SUGCT: variants seen among roughly 807,000 people sequenced by gnomAD.
SUGCT encodes the protein succinyl-CoA:glutarate-CoA transferase.
SUGCT carries 41 observed loss-of-function variants against 55.0 expected under a neutral mutation model. That is an observed-to-expected ratio of 0.74 (90% CI 0.58 to 0.97). The LOEUF (loss-of-function observed/expected upper bound fraction) is 0.97. Ranked by LOEUF, SUGCT falls within the 50% of genes least tolerant of loss-of-function variation. The pLI is 0.00. For synonymous variants in SUGCT, 187 were observed against 200.4 expected, an observed-to-expected ratio of 0.93 and a Z score of 0.56; for missense variants, 568 against 547.8, an observed-to-expected ratio of 1.04 and a Z score of -0.37.
intron 13 of SUGCT, among the ~76,000 whole-genome samples, chr7:40,843,319 G>T (rs966443228): frequency 1.3e-5 from 2 of 151,976 alleles, no homozygotes; most frequent in African/African-American, 2.4e-5. Context: ...AGACCATCCC[G>T]GCCAACATGG....
At chr7:40,424,634 G>A (rs997475180) in intron 9 of SUGCT, among the ~76,000 whole-genome samples, 6 of 152,018 alleles carry the variant, frequency 3.9e-5, no homozygotes, top group South Asian at 2.1e-4. Context: ...GGCTCAAATC[G>A]GTTATCAGGT....
At chr7:40,534,760 G>A (rs975259384) in intron 12 of SUGCT, among the ~76,000 whole-genome samples, 1 of 152,038 alleles carries the variant, frequency 6.6e-6, no homozygotes. Flanking sequence ...AGTAATTTCC[G>A]AATAACCTTT....
In SUGCT at chr7:40,459,137, T is replaced by C. The variant is rs1462971086; in HGVS notation, c.925T>C (p.Tyr309His). 6 of 1,611,980 alleles carry C rather than the reference T, an allele frequency of 3.7e-6. No homozygotes were observed. Among genetic ancestry groups the C allele is most frequent in the Non-Finnish European group, 5.1e-6 (6 of 1,178,750 alleles). The change falls in exon 11 of 14, where the codon TAT (tyrosine) becomes CAT (histidine). Residue 309 changes from tyrosine to histidine, a missense_variant. Physicochemically the swap from Tyr to His is moderately conservative, Grantham distance 83 (BLOSUM62 2). Coordinates refer to ENST00000335693, the MANE Select transcript of SUGCT (RefSeq NM_001193313.2). ...DLPELIDNSK[Y>H]KTNHLRVHNR... ...GCCTGAGTTGATTGATAATTCCAAG[T>C]ATAAAACTAACCACCTTCGGGTACA... is the stretch of plus-strand genomic sequence containing the variant.
chr7:40,627,910 T>C (rs1799598421), intron 12 of SUGCT, among the ~76,000 whole-genome samples: 1 of 152,178 alleles, frequency 6.6e-6, no homozygotes, highest in Non-Finnish European at 1.5e-5. Flanking sequence ...GAGTACAGCA[T>C]TGACATCCTC....
intron 12 of SUGCT, among the ~76,000 whole-genome samples, chr7:40,551,421 A>G (rs560187118): frequency 3.3e-5 from 5 of 152,372 alleles, no homozygotes; most frequent in Non-Finnish European, 7.3e-5. Context: ...ATACTCACAT[A>G]TAACTTTAAA....
intron 8 of SUGCT, among the ~76,000 whole-genome samples, chr7:40,311,039 T>C (rs1234805231): frequency 6.6e-6 from 1 of 152,196 alleles, no homozygotes; most frequent in African/African-American, 2.4e-5. Flanking sequence ...TGGGCTCTTA[T>C]TTTCTTTTCG....
At chr7:40,861,335 C>T (rs1400838695), downstream of SUGCT, among the ~76,000 whole-genome samples, 1 of 152,164 alleles carries the variant, frequency 6.6e-6, no homozygotes, top group Non-Finnish European at 1.5e-5. Context: ...GAAGACATTG[C>T]TTTGTAATCT....
At chr7:40,392,985 G>T (rs1325616311) in intron 9 of SUGCT, among the ~76,000 whole-genome samples, 1 of 152,208 alleles carries the variant, frequency 6.6e-6, no homozygotes, top group African/African-American at 2.4e-5. Flanking sequence ...AGAAGATATA[G>T]TGAGTTTGGT....
intron 13 of SUGCT, among the ~76,000 whole-genome samples, chr7:40,854,419 CCTT>C (rs1421985968): frequency 2.0e-4 from 18 of 88,842 alleles, no homozygotes; most frequent in African/African-American, 7.5e-4. Context: ...TTCTTTCTTT[CCTT>C]TCTTTCTTTC....
chr7:40,508,674 A>T (rs80237224), intron 12 of SUGCT, among the ~76,000 whole-genome samples: 3,792 of 152,220 alleles, frequency 0.025, 155 homozygotes, highest in African/African-American at 0.088. Context: ...TTCATTTGCC[A>T]TATGACCTAC....
the SUGCT span, among the ~76,000 whole-genome samples, chr7:40,947,964 G>A: frequency 6.6e-6 from 1 of 152,144 alleles, no homozygotes. Flanking sequence ...ATCTTATCCA[G>A]CATGCAGCAG....
At chr7:40,998,731 C>T in the SUGCT span, among the ~76,000 whole-genome samples, 4 of 152,176 alleles carry the variant, frequency 2.6e-5, no homozygotes. Flanking sequence ...GGAAAGGTTG[C>T]TCTACAATGA....
At chr7:40,626,167 T>G (rs1449911153) in intron 12 of SUGCT, among the ~76,000 whole-genome samples, 1 of 152,150 alleles carries the variant, frequency 6.6e-6, no homozygotes, top group Non-Finnish European at 1.5e-5. Context: ...CATTCTACCT[T>G]CCAGCACTCC....
intron 12 of SUGCT, among the ~76,000 whole-genome samples, chr7:40,563,381 C>A (rs1459349876): frequency 6.6e-6 from 1 of 152,036 alleles, no homozygotes; most frequent in African/African-American, 2.4e-5. Flanking sequence ...ATTTGGTTTA[C>A]GTGGTTGCCT....
intron 12 of SUGCT, among the ~76,000 whole-genome samples, chr7:40,645,134 C>T (rs1345560250): frequency 6.6e-6 from 1 of 152,176 alleles, no homozygotes; most frequent in Non-Finnish European, 1.5e-5. Flanking sequence ...GCACCTACCT[C>T]GCGGGGAGAG....
At chr7:40,931,728 C>T in the SUGCT span, among the ~76,000 whole-genome samples, 1 of 152,156 alleles carries the variant, frequency 6.6e-6, no homozygotes, top group Non-Finnish European at 1.5e-5. Context: ...TTATAGTATT[C>T]TCTGATGGTG....
At chr7:40,606,374 G>A (rs147266473) in intron 12 of SUGCT, among the ~76,000 whole-genome samples, 61 of 152,246 alleles carry the variant, frequency 4.0e-4, no homozygotes, top group Admixed American at 1.1e-3. Flanking sequence ...AAACTGAAGC[G>A]ACCACGTGTG....
chr7:40,735,579 A>G (rs1787112094), intron 12 of SUGCT, among the ~76,000 whole-genome samples: 1 of 152,182 alleles, frequency 6.6e-6, no homozygotes, highest in South Asian at 2.1e-4. Context: ...TATGGGCCAT[A>G]AGAAATGAGG....
chr7:40,950,442 C>A, the SUGCT span, among the ~76,000 whole-genome samples: 5 of 152,142 alleles, frequency 3.3e-5, no homozygotes, highest in African/African-American at 1.2e-4. Context: ...ATTGAATACA[C>A]TTTATTTCTT....
Sources: gnomAD v4.1 joint callset for allele counts (sites outside exome capture counted in the v4.1 genomes callset) on GRCh38, gnomAD v4.1.1 for gene constraint, MANE v1.5 for transcripts, NCBI Gene and HGNC (gene_info 2026-07-23, HGNC 2026-07-21) for gene names.